PIK3C2A: variants seen among roughly 807,000 people sequenced by gnomAD.
PIK3C2A encodes the protein phosphatidylinositol-4-phosphate 3-kinase catalytic subunit type 2 alpha.
In PIK3C2A, 97 loss-of-function variants were observed where a neutral mutation model predicts 204.5. The observed-to-expected ratio is 0.47, with a 90% CI of 0.40 to 0.56. The LOEUF (loss-of-function observed/expected upper bound fraction) is 0.56, where lower values mean the gene tolerates loss of function less well. Among genes scored for constraint, PIK3C2A ranks in the 20% least tolerant of loss-of-function variants. The probability of loss-of-function intolerance (pLI) is 0.00; values close to 1 mark genes in which losing one functional copy is unlikely to be tolerated. For missense variants in PIK3C2A, 1,735 were observed against 1,969.2 expected, an observed-to-expected ratio of 0.88 and a Z score of 2.25; for synonymous variants, 653 against 664.4, an observed-to-expected ratio of 0.98 and a Z score of 0.26.
At chr11:17,143,509 T>C (rs909961797) in intron 8 of PIK3C2A, among the ~76,000 whole-genome samples, 2 of 152,026 alleles carry the variant, frequency 1.3e-5, no homozygotes, top group African/African-American at 2.4e-5. Flanking sequence ...TCGGCCAACT[T>C]TTTCTGTACA....
rs778145800 is a variant in PIK3C2A at position 17,099,863 on chromosome 11, G to A, written c.4115C>T (p.Thr1372Ile). 7.2e-7 allele frequency: 1 copy of A among 1,387,684 alleles called. No homozygotes were observed. The highest frequency in any genetic ancestry group is 1.0e-6 in the Non-Finnish European group (1 of 975,912). The allele number at this position is 1,387,684 out of a possible 1,614,324, so 86.0% of individuals were successfully genotyped here. Residue 1372 changes from threonine to isoleucine, a missense_variant, in exon 26 of 33, where the codon ACT (threonine) becomes ATT (isoleucine). Physicochemically the swap from Thr to Ile is moderately conservative, Grantham distance 89. Transcript: ENST00000691414. ...TTDAEATIFF[T>I]RLIESSLGSI... ...AATATACTTAAATATGCTTTACCTA[G>A]TAAAGAAAATTGTAGCTTCTGCGTC...
intron 1 of PIK3C2A, among the ~76,000 whole-genome samples, chr11:17,191,066 A>G (rs1851924258): frequency 6.6e-6 from 1 of 152,246 alleles, no homozygotes; most frequent in South Asian, 2.1e-4. Flanking sequence ...ACTACTTGAA[A>G]GAAATTATGT....
At chr11:17,187,923 T>C (rs1479580744) in intron 1 of PIK3C2A, among the ~76,000 whole-genome samples, 2 of 152,114 alleles carry the variant, frequency 1.3e-5, no homozygotes, top group Non-Finnish European at 2.9e-5. Context: ...AGTCAATAAC[T>C]AAAAATGAGG....
chr11:17,142,705 G>GT (rs1850104869), intron 8 of PIK3C2A, among the ~76,000 whole-genome samples: 1 of 152,052 alleles, frequency 6.6e-6, no homozygotes, highest in Non-Finnish European at 1.5e-5. Flanking sequence ...GGGTGACAGA[G>GT]TGACACCCTG....
At chr11:17,190,083 C>T (rs1356717652) in intron 1 of PIK3C2A, among the ~76,000 whole-genome samples, 1 of 151,538 alleles carries the variant, frequency 6.6e-6, no homozygotes, top group Non-Finnish European at 1.5e-5. Context: ...TGCAACATGG[C>T]GAAACCCCAT....
chr11:17,181,207 T>C (rs1055215013), intron 1 of PIK3C2A, among the ~76,000 whole-genome samples: 6 of 152,058 alleles, frequency 3.9e-5, no homozygotes, highest in Admixed American at 1.3e-4. Flanking sequence ...TATATAGACA[T>C]GGTTGATTAA....
At chr11:17,141,658 C>T (rs1466119732) in intron 8 of PIK3C2A, among the ~76,000 whole-genome samples, 1 of 152,132 alleles carries the variant, frequency 6.6e-6, no homozygotes, top group Admixed American at 6.5e-5. Flanking sequence ...CACTAATGAG[C>T]TTTTTATCTT....
chr11:17,086,867 T>C lies in PIK3C2A; in HGVS notation c.*2871A>G, dbSNP rs1457820993. Reference sequence around the variant, plus strand: ...ATGTTTTCTTTTTTAAATGTCACAATATTTGAATCCTAGAAAGAATAGGCA... The same window carrying C: ...ATGTTTTCTTTTTTAAATGTCACAACATTTGAATCCTAGAAAGAATAGGCA... On this transcript the variant is annotated 3_prime_UTR_variant, in exon 33 of 33. Transcript: ENST00000691414. 2.0e-5 allele frequency: 3 copies of C among 152,176 alleles called. No individual in the cohort carries two copies. Among genetic ancestry groups the C allele is most frequent in the East Asian group, 3.8e-4 (2 of 5,202 alleles). 9.4% of individuals were successfully genotyped at this position (152,176 alleles called of 1,614,324 possible).
chr11:17,091,198 G>A (rs980623984), intron 32 of PIK3C2A, 136 bp downstream of exon 32: 2 of 708,004 alleles, frequency 2.8e-6, no homozygotes, highest in Non-Finnish European at 4.7e-6. Context: ...GTGATAGGTT[G>A]ATAGGTATGC....
In PIK3C2A at chr11:17,124,457, C is replaced by CTT. The variant is rs397849773; in HGVS notation, c.2400-1646_2400-1645dup. ...AGGCCTAACACTTGCATTTGGATGTCTTTTTTTTTTTTTTTTGAGACGGAG... is the reference window on the plus strand; with the variant it reads ...AGGCCTAACACTTGCATTTGGATGTCTTTTTTTTTTTTTTTTTTGAGACGGAG... On this transcript the variant is annotated intron_variant, in intron 13 of 32. Transcript: ENST00000691414. Among the ~76,000 whole-genome samples the CTT allele has an allele frequency of 1.1e-3, 150 of 138,350 alleles. 1 individual carries two copies. Among genetic ancestry groups the CTT allele is most frequent in the African/African-American group, 3.3e-3 (125 of 38,156 alleles). The allele number at this position is 138,350 out of a possible 152,430, so 90.8% of individuals were successfully genotyped here.
At position 17,097,127 on chromosome 11, in the gene PIK3C2A, C is replaced by A. The variant is rs757043671; in HGVS notation, c.4256G>T (p.Arg1419Ile). ...LSFSPKTYSF[R>I]QDGRIKEVSV... is the part of the protein sequence containing the mutation. ...GACTTCCTTGATTCGACCATCTTGT[C>A]TAAAGGAGTATGTTTTAGGTGAAAA... Residue 1419 changes from arginine (R) to isoleucine (I), a missense_variant, in exon 27 of 33, where the codon AGA becomes ATA. Arg to Ile is a moderately conservative substitution (Grantham distance 97, BLOSUM62 -3). Coordinates refer to ENST00000691414, the MANE Select transcript of PIK3C2A (RefSeq NM_002645.4). 2 of 1,610,536 alleles carry A rather than the reference C, an allele frequency of 1.2e-6. No homozygotes were observed. Among genetic ancestry groups the A allele is most frequent in the Admixed American group, 3.3e-5 (2 of 60,002 alleles).
Position 17,091,992 on chromosome 11 carries a change from T to C in PIK3C2A, c.4642+4A>G. The C allele has an allele frequency of 6.3e-7, 1 of 1,588,176 alleles. No individual in the cohort carries two copies. Among genetic ancestry groups the C allele is most frequent in the Non-Finnish European group, 8.6e-7 (1 of 1,157,044 alleles). The stretch of plus-strand genomic sequence containing the variant: ...ACCAATAAAGAGAAAAAAAATAATC[T>C]CACCTGCAGACCTAGCTATCCCTTC... On this transcript the variant is annotated splice_donor_region_variant and intron_variant, in intron 30 of 32. Coordinates refer to ENST00000691414, the MANE Select transcript of PIK3C2A (RefSeq NM_002645.4).
chr11:17,201,918 C>T (rs957836074), intron 1 of PIK3C2A, among the ~76,000 whole-genome samples: 1 of 152,068 alleles, frequency 6.6e-6, no homozygotes, highest in African/African-American at 2.4e-5. Flanking sequence ...CTGGTTTGTA[C>T]TATGTATCTA....
At chr11:17,094,081 AC>A (rs1285374127) in intron 28 of PIK3C2A, among the ~76,000 whole-genome samples, 179 bp downstream of exon 28, 1 of 152,216 alleles carries the variant, frequency 6.6e-6, no homozygotes, top group Non-Finnish European at 1.5e-5. Context: ...TATTCATTCA[AC>A]AAAAACTTCC....
At chr11:17,134,608 G>A (rs61762009) in intron 11 of PIK3C2A, among the ~76,000 whole-genome samples, 1,687 of 152,156 alleles carry the variant, frequency 0.011, 19 homozygotes, top group Middle Eastern at 0.027. Context: ...TGATCCACCC[G>A]CTTCAGCCTC....
intron 5 of PIK3C2A, chr11:17,148,207 CA>C (rs5789974): frequency 0.46 from 45,379 of 99,678 alleles, 7,441 homozygotes; most frequent in Middle Eastern, 0.54. Context: ...AACTCCGTCT[CA>C]AAAAAAAAAA....
chr11:17,097,194 G>A lies in PIK3C2A; in HGVS notation c.4189C>T (p.Arg1397Cys), dbSNP rs898801485. The change falls in exon 27 of 33, where the codon CGT becomes TGT. Residue 1397 changes from arginine to cysteine, a missense_variant. By Grantham distance (180) the Arg-to-Cys change is radical. This residue lies in a region of PIK3C2A where 503 missense variants were observed against 669.0 expected (regional missense o/e 0.75). Coordinates refer to ENST00000691414, the MANE Select transcript of PIK3C2A (RefSeq NM_002645.4). ...TCATTAGAAGGAAGACCAGAAAAAC[G>A]AAGCTGAGCAAGGTTGTGAATGAAG... ...NFFIHNLAQLRFSGLPSNDEP... is the reference protein window; with the variant it reads ...NFFIHNLAQLCFSGLPSNDEP... The A allele has an allele frequency of 1.5e-5, 25 of 1,613,512 alleles. No homozygotes were observed. Among genetic ancestry groups the A allele is most frequent in the Middle Eastern group, 3.3e-4 (2 of 6,080 alleles).
At chr11:17,150,155 C>T (rs1196432501) in intron 4 of PIK3C2A, among the ~76,000 whole-genome samples, 1 of 152,086 alleles carries the variant, frequency 6.6e-6, no homozygotes, top group South Asian at 2.1e-4. Flanking sequence ...AGCAAGATAT[C>T]TGGAATTTCA....
chr11:17,144,758 T>C (rs1850173190), intron 8 of PIK3C2A, among the ~76,000 whole-genome samples: 2 of 151,688 alleles, frequency 1.3e-5, no homozygotes, highest in South Asian at 2.1e-4. Flanking sequence ...TAACCAGACA[T>C]GGTGATGCAT....
Sources: allele counts gnomAD v4.1 joint callset (sites outside exome capture counted in the v4.1 genomes callset), GRCh38; gene constraint gnomAD v4.1.1; regional missense constraint gnomAD v4.1.1; transcripts MANE v1.5; gene names NCBI Gene and HGNC (gene_info 2026-07-23, HGNC 2026-07-21).